CCP110: variants seen among roughly 807,000 people sequenced by gnomAD.
CCP110 encodes the protein centriolar coiled-coil protein 110, also known as centriolar coiled-coil protein of 110 kDa.
In CCP110, 43 loss-of-function variants were observed where a neutral mutation model predicts 105.5. The ratio of observed to expected loss-of-function variants is 0.41; its 90% confidence interval spans 0.32 to 0.53. The LOEUF (loss-of-function observed/expected upper bound fraction) is 0.53, where lower values mean the gene tolerates loss of function less well. CCP110 is among the 20% of genes least tolerant of loss of function. CCP110 has a pLI of 0.32. For synonymous variants in CCP110, 353 were observed against 392.1 expected (o/e 0.90, Z 1.18); for missense variants, 1,016 against 1,189.1 (o/e 0.85, Z 2.14).
chr16:19,530,637 C>T (rs1374522722), intron 2 of CCP110, among the ~76,000 whole-genome samples: 4 of 150,220 alleles, frequency 2.7e-5, no homozygotes, highest in South Asian at 2.1e-4. Context: ...GAGCCGAGAT[C>T]GAGCCACTGC....
chr16:19,544,060 G>A (rs2005686), intron 8 of CCP110, among the ~76,000 whole-genome samples: 55,744 of 151,888 alleles, frequency 0.37, 11,759 homozygotes, highest in East Asian at 0.56. Context: ...AATCCTTAAT[G>A]AAACTTGCTG....
intron 1 of CCP110, chr16:19,525,009 G>A (rs1328456542): frequency 6.6e-6 from 1 of 152,166 alleles, no homozygotes; most frequent in East Asian, 1.9e-4. Context: ...CTTTTACAGA[G>A]GACGAAACAG....
At chr16:19,535,305 ATTAT>A (rs1243531296) in intron 3 of CCP110, among the ~76,000 whole-genome samples, 1 of 151,948 alleles carries the variant, frequency 6.6e-6, no homozygotes. Flanking sequence ...GCAAAGTTGG[ATTAT>A]TTAGATACAA....
At position 19,541,869 on chromosome 16, in the gene CCP110, T is replaced by C; in HGVS notation, c.2050-18T>C. ...AATTAAAAGGTTTAGCATGTTACAA[T>C]AAACTGTTCATGTATAGGAAATAGA... On this transcript the variant is annotated intron_variant, in intron 5 of 14. Coordinates refer to ENST00000381396, the Ensembl canonical transcript of CCP110. 6.6e-7 allele frequency: 1 copy of C among 1,507,878 alleles called. No individual in the cohort carries two copies. Among genetic ancestry groups the C allele is most frequent in the South Asian group, 1.3e-5 (1 of 77,796 alleles). The allele number at this position is 1,507,878 out of a possible 1,614,324, so 93.4% of individuals were successfully genotyped here.
chr16:19,536,347 G>A, exon 4 of CCP110: 1 of 1,612,532 alleles, frequency 6.2e-7, no homozygotes. Flanking sequence ...CCTATGTAAT[G>A]AGTCTTCAGA....
chr16:19,550,709 GA>G (rs1349122788), intron 14 of CCP110, among the ~76,000 whole-genome samples: 1 of 152,202 alleles, frequency 6.6e-6, no homozygotes, highest in Non-Finnish European at 1.5e-5. Flanking sequence ...CTCTTAGACT[GA>G]AGTAGAATTC....
rs1969914687 is a variant in CCP110 at position 19,532,632 on chromosome 16, C to G, written c.270+88C>G. ...TTTTCTGAAATATATTTGCACTTAA[C>G]TAATTACTAATGTACTTTACTGTTA... On this transcript the variant is annotated intron_variant, in intron 3 of 14. Coordinates refer to ENST00000381396, the Ensembl canonical transcript of CCP110. 2.7e-5 allele frequency: 28 copies of G among 1,027,540 alleles called. 1 individual carries two copies. In the South Asian group the frequency reaches 4.5e-4, roughly 17 times the overall value. 63.7% of individuals were successfully genotyped at this position (1,027,540 alleles called of 1,614,324 possible). A position where few individuals can be genotyped will look rare whatever the true frequency, so the allele number is the denominator to read the frequency against.
At chr16:19,533,243 G>A (rs1057122039) in intron 3 of CCP110, among the ~76,000 whole-genome samples, 5 of 152,080 alleles carry the variant, frequency 3.3e-5, no homozygotes, top group South Asian at 4.1e-4. Flanking sequence ...TCGATGACAC[G>A]TGTATAATGA....
Position 19,537,599 on chromosome 16 carries a change from T to C in CCP110, c.1918+12T>C. 1.4e-6 allele frequency: 2 copies of C among 1,423,706 alleles called. No homozygotes were observed. Among genetic ancestry groups the C allele is most frequent in the East Asian group, 2.3e-5 (1 of 43,956 alleles). 88.2% of individuals were successfully genotyped at this position (1,423,706 alleles called of 1,614,324 possible). On this transcript the variant is annotated intron_variant, in intron 4 of 14. Coordinates refer to ENST00000381396, the Ensembl canonical transcript of CCP110. The stretch of plus-strand genomic sequence containing the variant: ...AACTAGTTCCAAAGGTAAGGAATCT[T>C]TGAAGCGTTTGATACCTTCTATGCA...
At chr16:19,527,900 T>C (rs1477988292) in exon 2 of CCP110, 1 of 1,613,288 alleles carries the variant, frequency 6.2e-7, no homozygotes, top group Non-Finnish European at 8.5e-7. Flanking sequence ...GTATGAGAAG[T>C]TCTGTGAAAA....
At chr16:19,536,186 C>A (rs1434511311) in exon 4 of CCP110, 2 of 1,614,010 alleles carry the variant, frequency 1.2e-6, no homozygotes, top group Admixed American at 3.3e-5. Flanking sequence ...TTCTCCGAAG[C>A]AATGTGATAG....
At chr16:19,542,786 C>A in intron 7 of CCP110, 26 bp downstream of exon 7, 1 of 1,594,772 alleles carries the variant, frequency 6.3e-7, no homozygotes, top group Non-Finnish European at 8.6e-7. Context: ...GATACATGTC[C>A]ATCTATCTAT....
intron 1 of CCP110, chr16:19,526,476 T>C (rs1969677162): frequency 6.6e-6 from 1 of 152,206 alleles, no homozygotes; most frequent in South Asian, 2.1e-4. Context: ...TTTTGCTTTT[T>C]TAAAATAAAT....
At chr16:19,526,915 T>C (rs1969692840) in intron 1 of CCP110, 1 of 152,214 alleles carries the variant, frequency 6.6e-6, no homozygotes, top group Non-Finnish European at 1.5e-5. Context: ...TTCATACCCT[T>C]GCTGGTTATG....
At chr16:19,534,228 T>C (rs1157340682) in intron 3 of CCP110, among the ~76,000 whole-genome samples, 1 of 152,178 alleles carries the variant, frequency 6.6e-6, no homozygotes, top group Non-Finnish European at 1.5e-5. Context: ...AGAGGTAGGT[T>C]TTTTACTTAC....
intron 14 of CCP110, 40 bp from the exon 14 acceptor site, chr16:19,551,156 C>T: frequency 8.3e-7 from 1 of 1,209,186 alleles, no homozygotes; most frequent in East Asian, 2.3e-5. Context: ...TATAGAAAAC[C>T]TCCCATTGAG....
intron 2 of CCP110, among the ~76,000 whole-genome samples, chr16:19,531,681 A>G (rs1040332757): frequency 2.6e-5 from 4 of 152,190 alleles, no homozygotes; most frequent in Non-Finnish European, 4.4e-5. Context: ...AAGATACTGA[A>G]GATGGGCCAG....
chr16:19,551,175 C>T (rs763894583), intron 14 of CCP110, 21 bp from the exon 14 acceptor site: 5 of 1,527,240 alleles, frequency 3.3e-6, no homozygotes, highest in African/African-American at 2.7e-5. Flanking sequence ...AGAAGTAATA[C>T]TGGTTTTGCT....
chr16:19,528,873 G>A (rs115235669), intron 2 of CCP110, among the ~76,000 whole-genome samples: 137 of 152,188 alleles, frequency 9.0e-4, no homozygotes, highest in African/African-American at 3.2e-3. Context: ...CTGGACTACA[G>A]AGAAAGACCC....
Sources: allele counts gnomAD v4.1 joint callset (sites outside exome capture counted in the v4.1 genomes callset), GRCh38; gene constraint gnomAD v4.1.1; transcripts MANE v1.5; gene names NCBI Gene and HGNC (gene_info 2026-07-23, HGNC 2026-07-21).